HIVEP2: variants seen among roughly 807,000 people sequenced by gnomAD.
HIVEP2 encodes the protein transcription factor HIVEP2.
In HIVEP2, 14 loss-of-function variants were observed where a neutral mutation model predicts 180.7. The observed-to-expected ratio is 0.08, with a 90% confidence interval of 0.05 to 0.12. The LOEUF (loss-of-function observed/expected upper bound fraction) is 0.12, where lower values mean the gene tolerates loss of function less well. Among genes scored for constraint, HIVEP2 ranks in the 10% least tolerant of loss-of-function variants. HIVEP2 has a pLI of 1.00. For synonymous variants in HIVEP2, 1,184 were observed against 1,136.4 expected (o/e 1.04, Z -0.84); for missense variants, 2,579 against 3,008.5 (o/e 0.86, Z 3.34).
At chr6:142,756,218 C>A (rs960056665) in intron 9 of HIVEP2, among the ~76,000 whole-genome samples, 1 of 152,062 alleles carries the variant, frequency 6.6e-6, no homozygotes, top group Non-Finnish European at 1.5e-5. Context: ...GCAGTAGGGA[C>A]CTCTAGATGC....
intron 1 of HIVEP2, among the ~76,000 whole-genome samples, chr6:142,842,181 AT>A (rs1207745817): frequency 2.6e-5 from 4 of 152,044 alleles, no homozygotes; most frequent in Non-Finnish European, 5.9e-5. Context: ...TCCACCCACC[AT>A]TGTCTCTTAT....
chr6:142,840,861 CAGT>C (rs1278379119), intron 1 of HIVEP2, among the ~76,000 whole-genome samples: 5 of 152,098 alleles, frequency 3.3e-5, no homozygotes, highest in Non-Finnish European at 7.4e-5. Context: ...AAGCCACCAG[CAGT>C]AGATGTGCAT....
chr6:142,820,474 G>A (rs1305262549), intron 2 of HIVEP2, among the ~76,000 whole-genome samples: 1 of 152,108 alleles, frequency 6.6e-6, no homozygotes. Flanking sequence ...TTCAGATCTG[G>A]AGGAGACCCC....
intron 2 of HIVEP2, among the ~76,000 whole-genome samples, chr6:142,807,154 G>A (rs77801691): frequency 0.03 from 4,506 of 152,274 alleles, 95 homozygotes; most frequent in Non-Finnish European, 0.047. Context: ...GCCTGGAGCT[G>A]GAAAGACTAA....
At chr6:142,854,759 C>T (rs1165008952) in intron 1 of HIVEP2, among the ~76,000 whole-genome samples, 1 of 152,138 alleles carries the variant, frequency 6.6e-6, no homozygotes, top group East Asian at 1.9e-4. Context: ...CCATAAACAG[C>T]AGCTGTATTC....
At chr6:142,799,365 G>A (rs888226630) in intron 2 of HIVEP2, among the ~76,000 whole-genome samples, 4 of 152,068 alleles carry the variant, frequency 2.6e-5, no homozygotes, top group African/African-American at 9.7e-5. Context: ...AGGAGACAGC[G>A]CTATCTATGG....
At chr6:142,894,986 C>T (rs1420139133) in intron 1 of HIVEP2, among the ~76,000 whole-genome samples, 1 of 152,140 alleles carries the variant, frequency 6.6e-6, no homozygotes, top group Non-Finnish European at 1.5e-5. Flanking sequence ...AATTGGTATT[C>T]AGGAGAAAAA....
chr6:142,812,269 C>G (rs779627771), intron 2 of HIVEP2, among the ~76,000 whole-genome samples: 1 of 152,192 alleles, frequency 6.6e-6, no homozygotes, highest in Non-Finnish European at 1.5e-5. Context: ...GAAAAACCAC[C>G]TGAAAGTATT....
intron 1 of HIVEP2, among the ~76,000 whole-genome samples, chr6:142,929,842 C>G (rs1582973930): frequency 6.6e-6 from 1 of 152,156 alleles, no homozygotes; most frequent in African/African-American, 2.4e-5. Flanking sequence ...TCCAAGTTCT[C>G]TAACTCAAGA....
At chr6:142,802,036 T>C (rs1403843716) in intron 2 of HIVEP2, among the ~76,000 whole-genome samples, 4 of 152,192 alleles carry the variant, frequency 2.6e-5, no homozygotes, top group Non-Finnish European at 5.9e-5. Flanking sequence ...TCTGTCTGTA[T>C]TTGTTAATAT....
intron 1 of HIVEP2, among the ~76,000 whole-genome samples, chr6:142,925,530 C>T (rs775160409): frequency 2.0e-5 from 3 of 152,156 alleles, no homozygotes; most frequent in Non-Finnish European, 4.4e-5. Context: ...AAGGGAAAAG[C>T]TACCCCAAAA....
chr6:142,938,220 C>G (rs1020633902), intron 1 of HIVEP2, among the ~76,000 whole-genome samples: 6 of 152,172 alleles, frequency 3.9e-5, no homozygotes, highest in African/African-American at 9.7e-5. Context: ...CTCCCACCCC[C>G]ACTCCTGCTA....
At chr6:142,871,395 A>G (rs948239108) in intron 1 of HIVEP2, among the ~76,000 whole-genome samples, 2 of 152,176 alleles carry the variant, frequency 1.3e-5, no homozygotes, top group African/African-American at 4.8e-5. Context: ...TATTCATTCT[A>G]CAATGAAAAC....
At chr6:142,788,125 T>C (rs1360639999) in intron 2 of HIVEP2, 1 of 152,194 alleles carries the variant, frequency 6.6e-6, no homozygotes, top group African/African-American at 2.4e-5. Flanking sequence ...ACATGTGCAT[T>C]AGAGATTGTA....
Position 142,773,492 on chromosome 6 carries a change from G to T in HIVEP2, c.1247C>A (p.Thr416Lys). 1 of 1,614,230 alleles carries T rather than the reference G, an allele frequency of 6.2e-7. No homozygotes were observed. The highest frequency in any genetic ancestry group is 1.1e-5 in the South Asian group (1 of 91,086). The change falls in exon 5 of 10, where the codon ACA becomes AAA. Residue 416 changes from threonine (T) to lysine (K), a missense_variant. Physicochemically the swap from Thr to Lys is moderately conservative, Grantham distance 78. Coordinates refer to ENST00000367603, the MANE Select transcript of HIVEP2 (RefSeq NM_006734.4). ...SAEQQISPPN[T>K]NAKSYEEIIF... The stretch of plus-strand genomic sequence containing the variant: ...GATTTCTTCATAAGACTTTGCATTT[G>T]TGTTGGGAGGGCTTATTTGCTGCTC...
At chr6:142,791,933 G>A (rs539394460) in intron 2 of HIVEP2, among the ~76,000 whole-genome samples, 36 of 152,298 alleles carry the variant, frequency 2.4e-4, no homozygotes, top group African/African-American at 8.4e-4. Context: ...ATGAAGACAG[G>A]AGATTGCTTA....
chr6:142,836,149 T>A (rs1775216357), intron 2 of HIVEP2, among the ~76,000 whole-genome samples: 1 of 152,172 alleles, frequency 6.6e-6, no homozygotes, highest in Non-Finnish European at 1.5e-5. Context: ...GAATACAATT[T>A]TTTTTTCCAA....
intron 1 of HIVEP2, among the ~76,000 whole-genome samples, chr6:142,929,584 C>G (rs2128438052): frequency 6.6e-6 from 1 of 152,260 alleles, no homozygotes; most frequent in South Asian, 2.1e-4. Flanking sequence ...GTATTTTACA[C>G]TTTCTCTTTA....
intron 2 of HIVEP2, among the ~76,000 whole-genome samples, chr6:142,787,124 T>C (rs1460200449): frequency 6.6e-6 from 1 of 151,942 alleles, no homozygotes; most frequent in Non-Finnish European, 1.5e-5. Flanking sequence ...GGTGTGGTGG[T>C]GCACATCTGT....
Sources: allele counts gnomAD v4.1 joint callset (sites outside exome capture counted in the v4.1 genomes callset), GRCh38; gene constraint gnomAD v4.1.1; transcripts MANE v1.5; gene names NCBI Gene and HGNC (gene_info 2026-07-23, HGNC 2026-07-21).